The following HTR4 variants were observed in gnomAD, a reference collection of about 807,000 sequenced individuals.
HTR4 encodes 5-hydroxytryptamine receptor 4.
Under a neutral mutation model 36.8 loss-of-function variants are expected in HTR4, and 16 were observed. The ratio of observed to expected loss-of-function variants is 0.43; its 90% confidence interval spans 0.29 to 0.66. The LOEUF (loss-of-function observed/expected upper bound fraction) is 0.66. Ranked by LOEUF, HTR4 falls within the 30% of genes least tolerant of loss-of-function variation. HTR4 has a pLI of 0.13. For synonymous variants in HTR4, 189 were observed against 185.1 expected (o/e 1.02, Z -0.17); for missense variants, 438 against 490.9 (o/e 0.89, Z 1.02).
chr5:148,472,539 T>G (rs1755595606), downstream of HTR4, among the ~76,000 whole-genome samples: 2 of 152,190 alleles, frequency 1.3e-5, no homozygotes, highest in Admixed American at 1.3e-4. Flanking sequence ...ATAGCTAATT[T>G]GGATGCTTCT....
intron 5 of HTR4, among the ~76,000 whole-genome samples, chr5:148,511,251 A>T (rs1757484986): frequency 6.6e-6 from 1 of 152,246 alleles, no homozygotes; most frequent in South Asian, 2.1e-4. Context: ...CATAGTAAAT[A>T]TGCCTGTGTA....
intron 1 of HTR4, among the ~76,000 whole-genome samples, chr5:148,649,578 A>G (rs904907283): frequency 6.6e-6 from 1 of 152,224 alleles, no homozygotes; most frequent in African/African-American, 2.4e-5. Flanking sequence ...GAGGAATTTT[A>G]TCATCCAAAT....
intron 2 of HTR4, among the ~76,000 whole-genome samples, chr5:148,623,941 G>A (rs1347278853): frequency 6.6e-6 from 1 of 152,204 alleles, no homozygotes; most frequent in Non-Finnish European, 1.5e-5. Context: ...GGATTTTCTT[G>A]GAGGGTTCCT....
At chr5:148,540,417 T>C (rs1759054614) in intron 4 of HTR4, among the ~76,000 whole-genome samples, 1 of 129,620 alleles carries the variant, frequency 7.7e-6, no homozygotes, top group Admixed American at 7.5e-5. Context: ...TATATATATA[T>C]ATATATATAT....
At chr5:148,552,346 G>C (rs1759738699) in intron 2 of HTR4, among the ~76,000 whole-genome samples, 1 of 152,196 alleles carries the variant, frequency 6.6e-6, no homozygotes, top group Non-Finnish European at 1.5e-5. Flanking sequence ...ATATCAGATA[G>C]GGAAGATTTA....
At chr5:148,527,457 G>A (rs1295537161) in intron 4 of HTR4, among the ~76,000 whole-genome samples, 2 of 152,074 alleles carry the variant, frequency 1.3e-5, no homozygotes, top group East Asian at 3.8e-4. Flanking sequence ...CAATAATATT[G>A]CCCTACATTC....
intron 2 of HTR4, among the ~76,000 whole-genome samples, chr5:148,608,712 G>C (rs1752285329): frequency 6.6e-6 from 1 of 152,244 alleles, no homozygotes; most frequent in African/African-American, 2.4e-5. Flanking sequence ...ATGCAGAATG[G>C]ATTGGAGGGA....
intron 4 of HTR4, among the ~76,000 whole-genome samples, chr5:148,534,293 C>T (rs933553297): frequency 6.6e-6 from 1 of 152,206 alleles, no homozygotes; most frequent in Non-Finnish European, 1.5e-5. Context: ...GCCATCTTTG[C>T]TGTTTTGCAC....
downstream of HTR4, among the ~76,000 whole-genome samples, chr5:148,479,424 A>G (rs1350008913): frequency 6.6e-6 from 1 of 152,128 alleles, no homozygotes; most frequent in African/African-American, 2.4e-5. Flanking sequence ...CATATTCAAA[A>G]TTCAGTTATT....
chr5:148,573,383 G>A (rs1172021205), intron 2 of HTR4, among the ~76,000 whole-genome samples: 2 of 152,030 alleles, frequency 1.3e-5, no homozygotes, highest in Non-Finnish European at 2.9e-5. Context: ...ACATGTCTGT[G>A]TGCATTGTCA....
intron 5 of HTR4, chr5:148,461,778 A>C (rs764249425): frequency 2.6e-5 from 4 of 152,058 alleles, no homozygotes; most frequent in African/African-American, 4.8e-5. Context: ...ATTTATATCA[A>C]TAGACTACTT....
chr5:148,488,599 T>C (rs1200967668), intron 6 of HTR4, among the ~76,000 whole-genome samples: 1 of 151,378 alleles, frequency 6.6e-6, no homozygotes, highest in African/African-American at 2.4e-5. Context: ...GGTGATATGA[T>C]AAAAAAAAAT....
intron 1 of HTR4, among the ~76,000 whole-genome samples, chr5:148,652,665 T>C (rs1754075721): frequency 6.6e-6 from 1 of 152,138 alleles, no homozygotes; most frequent in African/African-American, 2.4e-5. Flanking sequence ...CTGAACTAAA[T>C]GCTCCCTGAA....
chr5:148,629,589 A>C (rs1753247917), intron 2 of HTR4: 1 of 152,254 alleles, frequency 6.6e-6, no homozygotes, highest in Non-Finnish European at 1.5e-5. Flanking sequence ...CAAGCAAAAC[A>C]AAGTCAGGAC....
Position 148,510,010 on chromosome 5 carries a change from C to CTAGTTGAAAAGAG in HTR4, c.521_522insCTCTTTTCAACTA (p.Lys174AsnfsTer11), listed in dbSNP as rs751665047. The CTAGTTGAAAAGAG allele has an allele frequency of 1.2e-6, 2 of 1,610,598 alleles. No individual in the cohort carries two copies. Among genetic ancestry groups the CTAGTTGAAAAGAG allele is most frequent in the Non-Finnish European group, 1.7e-6 (2 of 1,177,938 alleles). On this transcript the variant is annotated frameshift_variant, in exon 6 of 7. Coordinates refer to ENST00000377888, the MANE Select transcript of HTR4 (RefSeq NM_000870.7). LOFTEE classifies it high-confidence loss of function. ...ACGTAGAGTTAGAGTTCTGGTTGAA[C>CTAGTTGAAAAGAG]TTCCTCTTTTCTATCTGAGAGTTGG...
chr5:148,605,606 C>T (rs917098967), intron 2 of HTR4, among the ~76,000 whole-genome samples: 9 of 152,132 alleles, frequency 5.9e-5, no homozygotes, highest in Middle Eastern at 3.4e-3. Context: ...TCTTCACGTT[C>T]CGCAGTTACT....
At chr5:148,527,399 G>T (rs1250007720) in intron 4 of HTR4, among the ~76,000 whole-genome samples, 1 of 152,200 alleles carries the variant, frequency 6.6e-6, no homozygotes, top group East Asian at 1.9e-4. Flanking sequence ...AATCTAGCTT[G>T]CCCAGGGCTA....
chr5:148,517,290 T>A (rs1213669411), intron 5 of HTR4, among the ~76,000 whole-genome samples: 4 of 152,186 alleles, frequency 2.6e-5, no homozygotes, highest in Non-Finnish European at 5.9e-5. Context: ...CCTCTTCTAT[T>A]CTGTATCTAC....
At chr5:148,631,503 C>T (rs1393838552) in intron 2 of HTR4, among the ~76,000 whole-genome samples, 1 of 152,130 alleles carries the variant, frequency 6.6e-6, no homozygotes, top group East Asian at 1.9e-4. Flanking sequence ...TTAGGGCAAA[C>T]AACTAACACA....
Sources: gnomAD v4.1 joint callset for allele counts (sites outside exome capture counted in the v4.1 genomes callset) on GRCh38, gnomAD v4.1.1 for gene constraint, MANE v1.5 for transcripts, NCBI Gene and HGNC (gene_info 2026-07-23, HGNC 2026-07-21) for gene names.